The following RDH12 variants were observed in gnomAD, a reference collection of about 807,000 sequenced individuals.
The protein encoded by RDH12 is all-trans and 9-cis retinol dehydrogenase.
A neutral mutation model predicts 34.0 loss-of-function variants in RDH12; 21 were observed. The ratio of observed to expected loss-of-function variants is 0.62; its 90% CI spans 0.44 to 0.89. The LOEUF (loss-of-function observed/expected upper bound fraction) is 0.89. Among genes scored for constraint, RDH12 ranks in the 40% least tolerant of loss-of-function variants. The pLI, the probability that RDH12 is intolerant of heterozygous loss-of-function variation, is 0.00. For synonymous variants in RDH12, 198 were observed against 169.9 expected, an observed-to-expected ratio of 1.17 and a Z score of -1.29; for missense variants, 394 against 398.6, an observed-to-expected ratio of 0.99 and a Z score of 0.10.
intron 1 of RDH12, among the ~76,000 whole-genome samples, chr14:67,708,794 C>CTTTTT (rs377047632): frequency 1.5e-5 from 2 of 136,900 alleles, no homozygotes; most frequent in African/African-American, 2.7e-5. Context: ...TTAATAATAC[C>CTTTTT]TTTTTTTTTT....
Position 67,733,917 on chromosome 14 carries a change from C to A in RDH12, c.*69C>A. ...AATGAACAGGGACCAAGGAGAAGGC[C>A]AACCCTAAAGGATTGTCCTCTTGGC... On this transcript the variant is annotated 3_prime_UTR_variant, in exon 9 of 9. Transcript: ENST00000551171. 1 of 1,185,440 alleles carries A rather than the reference C, an allele frequency of 8.4e-7. No homozygotes were observed. Among genetic ancestry groups the A allele is most frequent in the Non-Finnish European group, 1.3e-6 (1 of 799,440 alleles). The allele number at this position is 1,185,440 out of a possible 1,614,324, so 73.4% of individuals were successfully genotyped here. A position where few individuals can be genotyped will look rare whatever the true frequency, so the allele number is the denominator to read the frequency against.
intron 4 of RDH12, 86 bp from the exon 5 acceptor site, chr14:67,725,013 C>T (rs2038168012): frequency 6.9e-7 from 1 of 1,450,610 alleles, no homozygotes. Context: ...AATGAATGCT[C>T]TGTCCCCCAG....
At chr14:67,724,431 G>T (rs776535451) in intron 3 of RDH12, 42 bp from the exon 4 acceptor site, 3 of 1,224,382 alleles carry the variant, frequency 2.5e-6, no homozygotes, top group Admixed American at 3.5e-5. Context: ...GTGTGAGCTC[G>T]TGAAGGATGG....
intron 1 of RDH12, among the ~76,000 whole-genome samples, chr14:67,716,878 T>C (rs1374816860): frequency 7.0e-6 from 1 of 142,778 alleles, no homozygotes; most frequent in East Asian, 2.1e-4. Flanking sequence ...AGTGAGTCTC[T>C]GTCAAAAAAA....
At chr14:67,711,060 AT>A (rs1181449808) in intron 1 of RDH12, among the ~76,000 whole-genome samples, 4 of 152,208 alleles carry the variant, frequency 2.6e-5, no homozygotes, top group African/African-American at 9.6e-5. Flanking sequence ...GGCCAAACAA[AT>A]TTTGAGAGGA....
chr14:67,710,437 G>C (rs1418170982), intron 1 of RDH12, among the ~76,000 whole-genome samples: 1 of 152,012 alleles, frequency 6.6e-6, no homozygotes, highest in Non-Finnish European at 1.5e-5. Flanking sequence ...CGCTTATTGT[G>C]ACTTACATAG....
intron 5 of RDH12, 31 bp downstream of exon 5, chr14:67,725,285 G>A: frequency 6.2e-7 from 1 of 1,611,490 alleles, no homozygotes; most frequent in African/African-American, 1.3e-5. Context: ...TAGAAAAGCA[G>A]GAAATTGGGT....
chr14:67,702,115 C>CT (rs1180832359), intron 1 of RDH12, among the ~76,000 whole-genome samples, 180 bp downstream of exon 1: 1 of 151,854 alleles, frequency 6.6e-6, no homozygotes, highest in African/African-American at 2.4e-5. Flanking sequence ...CTGTGCCCAG[C>CT]TTTTTTAAAA....
chr14:67,732,566 A>G (rs1446670600), intron 8 of RDH12, among the ~76,000 whole-genome samples: 7 of 149,992 alleles, frequency 4.7e-5, no homozygotes, highest in African/African-American at 1.5e-4. Context: ...TACAGAAAGC[A>G]ACTAAATGAT....
At chr14:67,728,642 G>A (rs947107686) in intron 7 of RDH12, among the ~76,000 whole-genome samples, 3 of 150,804 alleles carry the variant, frequency 2.0e-5, no homozygotes, top group Middle Eastern at 3.2e-3. Flanking sequence ...TTTAAAGCAT[G>A]TTGTATGGCC....
Position 67,734,133 on chromosome 14 carries a change from G to T in RDH12, c.*285G>T. On this transcript the variant is annotated 3_prime_UTR_variant, in exon 9 of 9. Transcript: ENST00000551171. ...CTGGGCAGATCCCAGGCTGGGCATG[G>T]GGGTGGCAGAAGAGCCCGAGAAATT... The T allele has an allele frequency of 2.9e-6, 1 of 339,460 alleles. No individual in the cohort carries two copies. 21.0% of individuals were successfully genotyped at this position (339,460 alleles called of 1,614,324 possible). A position where few individuals can be genotyped will look rare whatever the true frequency, so the allele number is the denominator to read the frequency against.
rs142798589 is a variant in RDH12 at position 67,727,491 on chromosome 14, T to G, written c.658+301T>G. On this transcript the variant is annotated intron_variant, in intron 7 of 8. Coordinates refer to ENST00000551171, the MANE Select transcript of RDH12 (RefSeq NM_152443.3). ...GAGGCTTTTTGTTTTTTTTGTTTTT[T>G]TTTTTTTGAGACTTGAGTTTCGCTC... The G allele has an allele frequency of 4.2e-3, 1,515 of 356,548 alleles. 24 individuals carry two copies. Among genetic ancestry groups the G allele is most frequent in the African/African-American group, 0.014 (644 of 47,124 alleles). 22.1% of individuals were successfully genotyped at this position (356,548 alleles called of 1,614,324 possible). A position where few individuals can be genotyped will look rare whatever the true frequency, so the allele number is the denominator to read the frequency against.
chr14:67,702,728 G>A (rs1445660240), intron 1 of RDH12, among the ~76,000 whole-genome samples: 1 of 152,110 alleles, frequency 6.6e-6, no homozygotes, highest in Non-Finnish European at 1.5e-5. Context: ...GTATCATGTA[G>A]ATACAACATA....
intron 1 of RDH12, among the ~76,000 whole-genome samples, chr14:67,712,216 G>A (rs1047027497): frequency 7.2e-5 from 11 of 151,770 alleles, no homozygotes; most frequent in East Asian, 1.9e-4. Flanking sequence ...CACCACACCC[G>A]GCCTGGGACT....
intron 7 of RDH12, chr14:67,727,866 G>T (rs1246412103): frequency 6.5e-6 from 1 of 153,260 alleles, no homozygotes; most frequent in African/African-American, 2.4e-5. Flanking sequence ...TTAAACCTAG[G>T]GTGCTTCCTT....
Position 67,729,355 on chromosome 14 carries a change from G to C in RDH12, c.823G>C (p.Glu275Gln). ...GCACTGCGCCCTGGCTGAGGGCCTG[G>C]AGCCCCTGAGTGGCAAGTACTTCAG... ...SLHCALAEGLEPLSGKYFSDC... is the reference protein window; with the variant it reads ...SLHCALAEGLQPLSGKYFSDC... Residue 275 changes from glutamate to glutamine, a missense_variant, in exon 8 of 9, where the codon GAG (glutamate) becomes CAG (glutamine). Transcript: ENST00000551171. 1 of 1,598,112 alleles carries C rather than the reference G, an allele frequency of 6.3e-7. No homozygotes were observed. The highest frequency in any genetic ancestry group is 8.5e-7 in the Non-Finnish European group (1 of 1,179,806).
intron 8 of RDH12, among the ~76,000 whole-genome samples, chr14:67,732,266 C>T (rs2038288786): frequency 6.6e-6 from 1 of 151,750 alleles, no homozygotes; most frequent in African/African-American, 2.4e-5. Flanking sequence ...GTGAGACCCC[C>T]ATCTCTACTA....
Position 67,726,153 on chromosome 14 carries a change from T to C in RDH12, c.446T>C (p.Leu149Pro), listed in dbSNP as rs747257567. The stretch of plus-strand genomic sequence containing the variant: ...GAAACCCACCTGGGAGTCAACCACC[T>C]GGGTAAGTATCTTTGGGTGACTAAA... ...GFETHLGVNH[L>P]GHFLLTYLLL... Residue 149 changes from leucine to proline, a missense_variant and splice_region_variant, in exon 6 of 9, where the codon CTG (leucine) becomes CCG (proline). Physicochemically the swap from Leu to Pro is moderately conservative, Grantham distance 98. Transcript: ENST00000551171. 4 of 1,590,528 alleles carry C rather than the reference T, an allele frequency of 2.5e-6. No individual in the cohort carries two copies. In the Admixed American group the frequency reaches 6.7e-5, roughly 27 times the overall value.
chr14:67,733,873 C>A lies in RDH12; in HGVS notation c.*25C>A, dbSNP rs767104580. 3 of 1,533,850 alleles carry A rather than the reference C, an allele frequency of 2.0e-6. No individual in the cohort carries two copies. Among genetic ancestry groups the A allele is most frequent in the Admixed American group, 3.3e-5 (2 of 59,706 alleles). ...GCTGGTGGAAGAGCTGCAGCTTTAT[C>A]AGGCCCAATCCATGCCATAATGAAC... On this transcript the variant is annotated 3_prime_UTR_variant, in exon 9 of 9. Transcript: ENST00000551171.
Sources: gnomAD v4.1 joint callset for allele counts (sites outside exome capture counted in the v4.1 genomes callset) on GRCh38, gnomAD v4.1.1 for gene constraint, MANE v1.5 for transcripts, NCBI Gene and HGNC (gene_info 2026-07-23, HGNC 2026-07-21) for gene names.